NALCN: variants seen among roughly 807,000 people sequenced by gnomAD.
The protein encoded by NALCN is sodium leak channel NALCN.
NALCN carries 111 observed loss-of-function variants against 225.3 expected under a neutral mutation model. The observed-to-expected ratio is 0.49, with a 90% CI of 0.42 to 0.58. The LOEUF is 0.58. Ranked by LOEUF, NALCN falls within the 20% of genes least tolerant of loss-of-function variation. The pLI is 0.00. For synonymous variants in NALCN, 764 were observed against 769.0 expected, an observed-to-expected ratio of 0.99 and a Z score of 0.11; for missense variants, 1,378 against 2,202.4, an observed-to-expected ratio of 0.63 and a Z score of 7.49.
At chr13:101,413,416 C>T (rs2047843658) in intron 1 of NALCN, among the ~76,000 whole-genome samples, 1 of 151,926 alleles carries the variant, frequency 6.6e-6, no homozygotes, top group African/African-American at 2.4e-5. Flanking sequence ...TGATGAAAAA[C>T]TGGAAACAGC....
chr13:101,352,854 G>A (rs2139330093), intron 6 of NALCN, among the ~76,000 whole-genome samples: 1 of 152,170 alleles, frequency 6.6e-6, no homozygotes, highest in Non-Finnish European at 1.5e-5. Flanking sequence ...AGACAAACAG[G>A]CTAAGGATTA....
rs138391436 is a variant in NALCN, at chr13:101,207,239, G to A, written c.1627-15185C>T. Among the ~76,000 whole-genome samples the A allele has an allele frequency of 4.7e-3, 719 of 152,276 alleles. 8 individuals carry two copies. The highest frequency in any genetic ancestry group is 0.017 in the African/African-American group (700 of 41,554). ...CCACATGCAATATATCACAGTATCT[G>A]TGCTTCCTTGCCAGCAGTGTGCATT... On this transcript the variant is annotated intron_variant, in intron 13 of 43. Coordinates refer to ENST00000251127, the MANE Select transcript of NALCN (RefSeq NM_052867.4).
intron 22 of NALCN, among the ~76,000 whole-genome samples, chr13:101,105,169 A>G (rs1461301452): frequency 1.3e-5 from 2 of 152,220 alleles, no homozygotes; most frequent in Non-Finnish European, 2.9e-5. Flanking sequence ...ATGAAAATAA[A>G]GTTTTATATT....
intron 17 of NALCN, among the ~76,000 whole-genome samples, chr13:101,136,454 C>A (rs561548717): frequency 2.8e-5 from 4 of 142,234 alleles, no homozygotes; most frequent in African/African-American, 1.0e-4. Flanking sequence ...TCCCTCCCCC[C>A]TCCCCCTGCC....
intron 11 of NALCN, among the ~76,000 whole-genome samples, chr13:101,241,490 G>A (rs2041757545): frequency 6.6e-6 from 1 of 152,008 alleles, no homozygotes. Context: ...CCAGTCTGGA[G>A]TGCAGTGGCA....
chr13:101,406,660 AT>A (rs896269457), intron 1 of NALCN, among the ~76,000 whole-genome samples: 9 of 152,126 alleles, frequency 5.9e-5, no homozygotes, highest in African/African-American at 1.9e-4. Context: ...AAAAATGTCA[AT>A]TTTTTTCTGG....
Position 101,083,092 on chromosome 13 carries a change from C to T in NALCN, c.3690G>A (p.Lys1230=), listed in dbSNP as rs1318441793. The stretch of plus-strand genomic sequence containing the variant: ...GGAGTCTTAGGGTGAAACGAAGTAC[C>T]TTGACAGAGAGCAACACCGACTGGG... ...VLAQSVLLSV[K]WDVEDPVTVP... Residue 1230 remains lysine (K), a splice_region_variant and synonymous_variant, in exon 32 of 44, where the codon AAG becomes AAA. Coordinates refer to ENST00000251127, the MANE Select transcript of NALCN (RefSeq NM_052867.4). 8.7e-6 allele frequency: 14 copies of T among 1,613,796 alleles called. No individual in the cohort carries two copies. Among genetic ancestry groups the T allele is most frequent in the Non-Finnish European group, 1.2e-5 (14 of 1,179,904 alleles).
intron 14 of NALCN, among the ~76,000 whole-genome samples, chr13:101,189,477 T>G (rs1042483824): frequency 2.6e-5 from 4 of 152,222 alleles, no homozygotes; most frequent in African/African-American, 9.6e-5. Context: ...CAGGGTTAAC[T>G]CGCAGATACA....
chr13:101,088,851 C>G (rs909249130), intron 30 of NALCN, among the ~76,000 whole-genome samples: 10 of 152,174 alleles, frequency 6.6e-5, no homozygotes, highest in African/African-American at 2.4e-4. Context: ...ACAGGCTTCC[C>G]GAGTTCACAA....
chr13:101,076,620 G>A (rs187628147), intron 34 of NALCN, among the ~76,000 whole-genome samples: 140 of 152,300 alleles, frequency 9.2e-4, no homozygotes, highest in Admixed American at 2.0e-3. Context: ...GATGGGCCCC[G>A]CGAAGGGGGT....
intron 7 of NALCN, among the ~76,000 whole-genome samples, chr13:101,304,920 T>C (rs2044104787): frequency 6.6e-6 from 1 of 151,758 alleles, no homozygotes; most frequent in African/African-American, 2.4e-5. Context: ...CACGCCCAGC[T>C]GATTTTTGTA....
At chr13:101,278,154 AAC>A (rs1280242553) in intron 10 of NALCN, among the ~76,000 whole-genome samples, 2 of 152,168 alleles carry the variant, frequency 1.3e-5, no homozygotes, top group Non-Finnish European at 1.5e-5. Context: ...AATTTATTTC[AAC>A]AGTTTCAAAA....
intron 14 of NALCN, among the ~76,000 whole-genome samples, chr13:101,179,001 C>T (rs2039080397): frequency 6.6e-6 from 1 of 152,168 alleles, no homozygotes; most frequent in South Asian, 2.1e-4. Flanking sequence ...CCAAACTGGA[C>T]AGAGGGCAGG....
At chr13:101,064,369 T>A (rs141435833) in intron 40 of NALCN, among the ~76,000 whole-genome samples, 3 of 152,192 alleles carry the variant, frequency 2.0e-5, no homozygotes, top group Admixed American at 6.5e-5. Context: ...TGTTATGGGT[T>A]AAATGTTTCC....
intron 6 of NALCN, among the ~76,000 whole-genome samples, chr13:101,351,240 T>C (rs1300224980): frequency 6.6e-6 from 1 of 152,178 alleles, no homozygotes; most frequent in Non-Finnish European, 1.5e-5. Flanking sequence ...AGTGTAATAA[T>C]CCACAAATTG....
intron 7 of NALCN, among the ~76,000 whole-genome samples, chr13:101,299,196 CT>C (rs1300496272): frequency 6.6e-6 from 1 of 152,094 alleles, no homozygotes; most frequent in Non-Finnish European, 1.5e-5. Flanking sequence ...AAGCTTATTT[CT>C]TTTTAAAATT....
At chr13:101,140,090 G>A (rs563919853) in intron 17 of NALCN, among the ~76,000 whole-genome samples, 13 of 152,312 alleles carry the variant, frequency 8.5e-5, no homozygotes, top group African/African-American at 2.6e-4. Flanking sequence ...TTAAGAAAGC[G>A]TGGATAGTAA....
intron 7 of NALCN, among the ~76,000 whole-genome samples, chr13:101,324,172 C>T (rs1594677175): frequency 1.3e-5 from 2 of 152,188 alleles, no homozygotes; most frequent in South Asian, 4.1e-4. Context: ...TTGGTCACCG[C>T]CAATTAGAAT....
At chr13:101,390,973 T>C (rs2047127388) in intron 3 of NALCN, among the ~76,000 whole-genome samples, 1 of 151,922 alleles carries the variant, frequency 6.6e-6, no homozygotes, top group African/African-American at 2.4e-5. Context: ...GACAAGTTAA[T>C]GGGTGCAGCA....
Sources: allele counts gnomAD v4.1 joint callset (sites outside exome capture counted in the v4.1 genomes callset), GRCh38; gene constraint gnomAD v4.1.1; transcripts MANE v1.5; gene names NCBI Gene and HGNC (gene_info 2026-07-23, HGNC 2026-07-21).